GRHL2: variants seen among roughly 807,000 people sequenced by gnomAD.
The protein encoded by GRHL2 is grainyhead like transcription factor 2.
Under a neutral mutation model 83.8 loss-of-function variants are expected in GRHL2, and 21 were observed. The ratio of observed to expected loss-of-function variants is 0.25; its 90% confidence interval spans 0.18 to 0.36. GRHL2 has a LOEUF of 0.36. Among genes scored for constraint, GRHL2 ranks in the 10% least tolerant of loss-of-function variants. GRHL2 has a pLI of 1.00. For synonymous variants in GRHL2, 280 were observed against 278.9 expected, an observed-to-expected ratio of 1.00 and a Z score of -0.04; for missense variants, 623 against 781.8, an observed-to-expected ratio of 0.80 and a Z score of 2.42.
At chr8:101,594,569 G>A (rs1273262309) in intron 7 of GRHL2, among the ~76,000 whole-genome samples, 2 of 152,224 alleles carry the variant, frequency 1.3e-5, no homozygotes, top group African/African-American at 4.8e-5. Context: ...AGCCACATTG[G>A]TGTGCATCAG....
chr8:101,601,986 C>T (rs531518672), intron 8 of GRHL2, among the ~76,000 whole-genome samples: 83 of 152,202 alleles, frequency 5.5e-4, no homozygotes, highest in South Asian at 1.9e-3. Flanking sequence ...TAGGCCCCCA[C>T]CCCTCGACAG....
At chr8:101,624,875 C>T (rs891622251) in intron 9 of GRHL2, among the ~76,000 whole-genome samples, 1 of 151,994 alleles carries the variant, frequency 6.6e-6, no homozygotes, top group Non-Finnish European at 1.5e-5. Flanking sequence ...GAAATCTAGG[C>T]CTGATTTCAA....
chr8:101,637,735 C>G (rs1036438590), intron 12 of GRHL2, among the ~76,000 whole-genome samples: 1 of 152,164 alleles, frequency 6.6e-6, no homozygotes, highest in South Asian at 2.1e-4. Context: ...GCTCATCACA[C>G]TATTGGACGA....
Position 101,611,166 on chromosome 8 carries a change from G to A in GRHL2, c.1099-8373G>A, listed in dbSNP as rs545414816. On this transcript the variant is annotated intron_variant, in intron 8 of 15. Coordinates refer to ENST00000646743, the MANE Select transcript of GRHL2 (RefSeq NM_024915.4). ...GATTAGTTTTAAAAGCTACATGACT[G>A]CTGTTTTCACATATTATGTCAGTGC... Among the ~76,000 whole-genome samples the A allele has an allele frequency of 1.9e-4, 29 of 151,148 alleles. 3 individuals are homozygous for A. The highest frequency in any genetic ancestry group is 5.4e-4 in the African/African-American group (22 of 40,520).
chr8:101,655,064 G>GC (rs1813755767), intron 14 of GRHL2, among the ~76,000 whole-genome samples: 1 of 151,964 alleles, frequency 6.6e-6, no homozygotes, highest in South Asian at 2.1e-4. Flanking sequence ...TGCCTGTAAT[G>GC]CCAGCTACTC....
chr8:101,591,100 A>G (rs539579115), intron 7 of GRHL2, among the ~76,000 whole-genome samples: 236 of 152,264 alleles, frequency 1.5e-3, no homozygotes, highest in African/African-American at 5.3e-3. Flanking sequence ...GAATTTAAAA[A>G]CCTATTAACA....
intron 7 of GRHL2, among the ~76,000 whole-genome samples, chr8:101,580,598 G>A (rs921424070): frequency 6.6e-6 from 1 of 152,148 alleles, no homozygotes; most frequent in East Asian, 1.9e-4. Flanking sequence ...TGCTAAGAGG[G>A]AAGAATTTTA....
chr8:101,680,695 A>C, the GRHL2 span, among the ~76,000 whole-genome samples: 1 of 129,522 alleles, frequency 7.7e-6, no homozygotes, highest in African/African-American at 3.2e-5. Flanking sequence ...TCCTCAGCAA[A>C]TGTAAAAGAA....
At chr8:101,605,678 G>T (rs968151106) in intron 8 of GRHL2, among the ~76,000 whole-genome samples, 2 of 152,198 alleles carry the variant, frequency 1.3e-5, no homozygotes, top group Non-Finnish European at 2.9e-5. Context: ...TACATCACCT[G>T]TCCATATCGT....
chr8:101,550,836 C>T (rs1811365347), intron 2 of GRHL2, among the ~76,000 whole-genome samples: 1 of 152,222 alleles, frequency 6.6e-6, no homozygotes, highest in South Asian at 2.1e-4. Context: ...TGGAGTAACT[C>T]ATATAAGTGG....
At chr8:101,633,190 T>G (rs1350282118) in intron 11 of GRHL2, among the ~76,000 whole-genome samples, 2 of 152,220 alleles carry the variant, frequency 1.3e-5, no homozygotes, top group African/African-American at 4.8e-5. Context: ...ATTTTTAGTA[T>G]TATTTCTGTT....
chr8:101,672,304 GA>G (rs1330047518), downstream of GRHL2, among the ~76,000 whole-genome samples: 1 of 151,320 alleles, frequency 6.6e-6, no homozygotes, highest in Admixed American at 6.6e-5. Flanking sequence ...TAAAAACTTT[GA>G]AAAAAAATTA....
chr8:101,666,878 A>C lies in GRHL2; in HGVS notation c.*175A>C. On this transcript the variant is annotated 3_prime_UTR_variant, in exon 16 of 16. Coordinates refer to ENST00000646743, the MANE Select transcript of GRHL2 (RefSeq NM_024915.4). ...GCCCCACTGTCGGTGTGCTTGGCCC[A>C]TCCACTGGCACCTACCACGGAGCTG... 1.5e-6 allele frequency: 1 copy of C among 665,986 alleles called. No individual in the cohort carries two copies. Among genetic ancestry groups the C allele is most frequent in the Non-Finnish European group, 2.7e-6 (1 of 364,944 alleles). The allele number at this position is 665,986 out of a possible 1,614,324, so 41.3% of individuals were successfully genotyped here.
At chr8:101,579,694 T>C (rs1253040739) in intron 7 of GRHL2, among the ~76,000 whole-genome samples, 1 of 152,182 alleles carries the variant, frequency 6.6e-6, no homozygotes, top group Non-Finnish European at 1.5e-5. Flanking sequence ...AAAAATCAAA[T>C]CATGCATTTC....
chr8:101,571,620 C>T (rs1811826916), intron 5 of GRHL2, among the ~76,000 whole-genome samples: 1 of 152,076 alleles, frequency 6.6e-6, no homozygotes, highest in South Asian at 2.1e-4. Flanking sequence ...CATCAGGGCC[C>T]TCTATGTTTT....
At chr8:101,608,538 CAGTGGG>C (rs1812676197) in intron 8 of GRHL2, among the ~76,000 whole-genome samples, 6 of 152,246 alleles carry the variant, frequency 3.9e-5, no homozygotes, top group Admixed American at 1.3e-4. Flanking sequence ...AGGTAAGTGA[CAGTGGG>C]TCTATGGGAG....
chr8:101,626,893 G>A (rs1002625488), intron 9 of GRHL2, among the ~76,000 whole-genome samples: 2 of 151,984 alleles, frequency 1.3e-5, no homozygotes, highest in African/African-American at 2.4e-5. Flanking sequence ...GGAATGTATC[G>A]AAGCTTCCCG....
chr8:101,510,879 G>C (rs1810449404), intron 1 of GRHL2, among the ~76,000 whole-genome samples: 3 of 152,234 alleles, frequency 2.0e-5, no homozygotes, highest in African/African-American at 7.2e-5. Context: ...TGGATTACTT[G>C]AGGCCAGGAG....
Position 101,587,000 on chromosome 8 carries a change from A to G in GRHL2, c.1003+9481A>G, listed in dbSNP as rs115676761. ...TTAATTGCTAGCCTACAAACATAAT[A>G]TATATACTCATAAACAAAGGTAAAT... On this transcript the variant is annotated intron_variant, in intron 7 of 15. Transcript: ENST00000646743. Among the ~76,000 whole-genome samples, 960 of 152,324 alleles carry G rather than the reference A, an allele frequency of 6.3e-3. 7 individuals are homozygous for G. Among genetic ancestry groups the G allele is most frequent in the African/African-American group, 0.022 (907 of 41,570 alleles).
Sources: gnomAD v4.1 joint callset for allele counts (sites outside exome capture counted in the v4.1 genomes callset) on GRCh38, gnomAD v4.1.1 for gene constraint, MANE v1.5 for transcripts, NCBI Gene and HGNC (gene_info 2026-07-23, HGNC 2026-07-21) for gene names.